SLIT3: variants seen among roughly 807,000 people sequenced by gnomAD.
The protein encoded by SLIT3 is slit homolog 3 protein.
Under a neutral mutation model 184.0 loss-of-function variants are expected in SLIT3, and 68 were observed. The observed-to-expected ratio is 0.37, with a 90% CI of 0.30 to 0.45. The LOEUF is 0.45. SLIT3 is among the 20% of genes least tolerant of loss of function. The probability of loss-of-function intolerance (pLI) is 1.00; values close to 1 mark genes in which losing one functional copy is unlikely to be tolerated. For missense variants in SLIT3, 1,707 were observed against 2,026.0 expected, an observed-to-expected ratio of 0.84 and a Z score of 3.02; for synonymous variants, 831 against 828.6, an observed-to-expected ratio of 1.00 and a Z score of -0.05.
At chr5:168,804,081 T>C (rs934252423) in intron 9 of SLIT3, among the ~76,000 whole-genome samples, 1 of 150,676 alleles carries the variant, frequency 6.6e-6, no homozygotes, top group Non-Finnish European at 1.5e-5. Context: ...CCGAGGCGGG[T>C]GGATCACCTG....
At chr5:168,905,387 T>TG (rs1761015369) in intron 4 of SLIT3, among the ~76,000 whole-genome samples, 1 of 152,212 alleles carries the variant, frequency 6.6e-6, no homozygotes, top group South Asian at 2.1e-4. Flanking sequence ...CTTCTTCTTT[T>TG]GAAAATTGTT....
intron 1 of SLIT3, among the ~76,000 whole-genome samples, chr5:169,265,869 C>T (rs111565631): frequency 4.6e-4 from 70 of 152,266 alleles, no homozygotes; most frequent in African/African-American, 1.6e-3. Context: ...CACAAAGGTG[C>T]ACCTGGTCAA....
At chr5:169,102,917 T>C (rs372146137) in intron 4 of SLIT3, among the ~76,000 whole-genome samples, 12 of 152,348 alleles carry the variant, frequency 7.9e-5, no homozygotes, top group African/African-American at 2.9e-4. Context: ...ACCTCTCTTC[T>C]AAATCATTGG....
At chr5:168,958,437 T>C (rs114515677) in intron 4 of SLIT3, among the ~76,000 whole-genome samples, 1 of 152,314 alleles carries the variant, frequency 6.6e-6, no homozygotes, top group Non-Finnish European at 1.5e-5. Context: ...TTATATGCAT[T>C]CTCTCTTAAT....
chr5:168,684,312 A>G (rs1461279443), intron 31 of SLIT3, among the ~76,000 whole-genome samples: 2 of 152,160 alleles, frequency 1.3e-5, no homozygotes, highest in Non-Finnish European at 2.9e-5. Flanking sequence ...CCAGTTCAAC[A>G]CATTTTTACT....
intron 1 of SLIT3, among the ~76,000 whole-genome samples, chr5:169,286,939 C>T (rs1423700824): frequency 6.6e-6 from 1 of 152,204 alleles, no homozygotes; most frequent in Non-Finnish European, 1.5e-5. Flanking sequence ...TGGCTTGAAT[C>T]AGCATGCAGC....
chr5:168,762,460 C>A lies in SLIT3; in HGVS notation c.1610+79G>T. The A allele has an allele frequency of 2.0e-6, 3 of 1,508,258 alleles. No homozygotes were observed. In the Admixed American group the frequency reaches 5.2e-5, roughly 26 times the overall value. 93.4% of individuals were successfully genotyped at this position (1,508,258 alleles called of 1,614,324 possible). A position where few individuals can be genotyped will look rare whatever the true frequency, so the allele number is the denominator to read the frequency against. On this transcript the variant is annotated intron_variant, in intron 15 of 35. Coordinates refer to ENST00000519560, the MANE Select transcript of SLIT3 (RefSeq NM_003062.4). Reference sequence around the variant, plus strand: ...GACTGAGCCAGGAAGGGGTCACCGCCAGGAGACCCTGCCCACGCTGGCTCC... The same window carrying A: ...GACTGAGCCAGGAAGGGGTCACCGCAAGGAGACCCTGCCCACGCTGGCTCC...
chr5:168,896,775 G>T (rs1012146420), intron 4 of SLIT3, among the ~76,000 whole-genome samples: 5 of 152,190 alleles, frequency 3.3e-5, no homozygotes, highest in Non-Finnish European at 7.3e-5. Context: ...GGAAAAGAAG[G>T]GGGGCCTGAA....
At chr5:169,078,601 A>T (rs1581382923) in intron 4 of SLIT3, among the ~76,000 whole-genome samples, 1 of 152,216 alleles carries the variant, frequency 6.6e-6, no homozygotes, top group East Asian at 1.9e-4. Flanking sequence ...CCCTCCTATC[A>T]CCTTCCTTTC....
rs1322671074 is a variant in SLIT3 at position 168,687,068 on chromosome 5, A to C, written c.3225T>G (p.Asn1075Lys). ...GGCACTTGTGGGCCACACAGTCATC[A>C]TTGTCTGTCTCACAGAGCTTCCCGC... ...GYSGKLCETD[N>K]DDCVAHKCRH... The change falls in exon 30 of 36, where the codon AAT becomes AAG. Residue 1075 changes from asparagine to lysine, a missense_variant. Physicochemically the swap from Asn to Lys is moderately conservative, Grantham distance 94. Around this residue, in one of 3 missense-constraint regions of SLIT3, gnomAD observed 1,307 missense variants for 1,511.6 expected, o/e 0.86. Transcript: ENST00000519560. 3 of 1,614,086 alleles carry C rather than the reference A, an allele frequency of 1.9e-6. No individual in the cohort carries two copies. Among genetic ancestry groups the C allele is most frequent in the Non-Finnish European group, 2.5e-6 (3 of 1,180,034 alleles).
At chr5:168,672,837 G>A (rs1761295383) in intron 33 of SLIT3, among the ~76,000 whole-genome samples, 1 of 152,106 alleles carries the variant, frequency 6.6e-6, no homozygotes, top group Non-Finnish European at 1.5e-5. Context: ...TTGAACCTCC[G>A]AGGGTTTGAG....
intron 4 of SLIT3, among the ~76,000 whole-genome samples, chr5:168,927,804 C>T (rs140945905): frequency 6.6e-6 from 1 of 152,346 alleles, no homozygotes; most frequent in East Asian, 1.9e-4. Flanking sequence ...AATGTCAGGG[C>T]CATGACATAG....
At chr5:169,065,889 T>C (rs1758335387) in intron 4 of SLIT3, among the ~76,000 whole-genome samples, 1 of 152,236 alleles carries the variant, frequency 6.6e-6, no homozygotes, top group East Asian at 1.9e-4. Flanking sequence ...GTATCATACA[T>C]ATAGTCTCTT....
chr5:169,179,803 G>A (rs947192281), intron 4 of SLIT3, among the ~76,000 whole-genome samples: 2 of 152,288 alleles, frequency 1.3e-5, no homozygotes, highest in Admixed American at 1.3e-4. Flanking sequence ...CATATAGTGA[G>A]AGGGAATAGC....
chr5:168,873,724 C>T (rs139532520), intron 5 of SLIT3, among the ~76,000 whole-genome samples: 1 of 152,126 alleles, frequency 6.6e-6, no homozygotes, highest in African/African-American at 2.4e-5. Flanking sequence ...CTCCTGGACT[C>T]CTCACTAGTA....
chr5:169,029,850 G>T (rs1254771126), intron 4 of SLIT3, among the ~76,000 whole-genome samples: 1 of 152,172 alleles, frequency 6.6e-6, no homozygotes, highest in African/African-American at 2.4e-5. Context: ...GGGGCAATTA[G>T]CATCTGCACA....
At chr5:169,248,775 A>C (rs894080276) in intron 2 of SLIT3, among the ~76,000 whole-genome samples, 3 of 152,192 alleles carry the variant, frequency 2.0e-5, no homozygotes, top group African/African-American at 7.2e-5. Flanking sequence ...TAGACTGCCA[A>C]GAAATGGGAC....
At chr5:169,005,452 CGG>C (rs1755884812) in intron 4 of SLIT3, among the ~76,000 whole-genome samples, 1 of 152,128 alleles carries the variant, frequency 6.6e-6, no homozygotes, top group African/African-American at 2.4e-5. Context: ...GCAAGGTGAA[CGG>C]TAAACATTAT....
At chr5:168,972,336 C>CGTGTGT (rs1353519749) in intron 4 of SLIT3, among the ~76,000 whole-genome samples, 13 of 39,778 alleles carry the variant, frequency 3.3e-4, no homozygotes, top group South Asian at 7.4e-4. Flanking sequence ...TGCAGGACAA[C>CGTGTGT]ATGTGTGTGT....
Sources: allele counts gnomAD v4.1 joint callset (sites outside exome capture counted in the v4.1 genomes callset), GRCh38; gene constraint gnomAD v4.1.1; regional missense constraint gnomAD v4.1.1; transcripts MANE v1.5; gene names NCBI Gene and HGNC (gene_info 2026-07-23, HGNC 2026-07-21).